EXOC4: variants seen among roughly 807,000 people sequenced by gnomAD.
The protein encoded by EXOC4 is exocyst complex component 4.
EXOC4 carries 71 observed loss-of-function variants against 107.2 expected under a neutral mutation model. The ratio of observed to expected loss-of-function variants is 0.66; its 90% CI spans 0.55 to 0.81. The LOEUF is 0.81. Ranked by LOEUF, EXOC4 falls within the 30% of genes least tolerant of loss-of-function variation. The probability of loss-of-function intolerance (pLI) is 0.00; values close to 1 mark genes in which losing one functional copy is unlikely to be tolerated. For synonymous variants in EXOC4, 456 were observed against 441.2 expected (o/e 1.03, Z -0.42); for missense variants, 1,108 against 1,189.6 (o/e 0.93, Z 1.01).
intron 13 of EXOC4, among the ~76,000 whole-genome samples, chr7:133,932,297 G>T (rs1800196196): frequency 1.3e-5 from 2 of 152,222 alleles, no homozygotes; most frequent in Admixed American, 6.5e-5. Flanking sequence ...AGGGGTCTAT[G>T]TGGAAGTGAT....
intron 10 of EXOC4, among the ~76,000 whole-genome samples, chr7:133,633,051 G>A (rs1429046698): frequency 1.3e-5 from 2 of 152,142 alleles, no homozygotes; most frequent in Non-Finnish European, 2.9e-5. Context: ...CTTGTTACTA[G>A]ACTCTGATTA....
intron 11 of EXOC4, among the ~76,000 whole-genome samples, chr7:133,866,880 G>C (rs1306399261): frequency 6.6e-6 from 1 of 152,212 alleles, no homozygotes; most frequent in Non-Finnish European, 1.5e-5. Context: ...AGCTTTATAA[G>C]AGTTGTGCAG....
chr7:133,820,154 A>ATTTTT (rs35640945), intron 11 of EXOC4, among the ~76,000 whole-genome samples: 50 of 70,274 alleles, frequency 7.1e-4, no homozygotes, highest in African/African-American at 1.4e-3. Context: ...CACCTGCTTC[A>ATTTTT]TTTTTTTTTT....
chr7:133,984,215 A>G (rs1794062854), intron 14 of EXOC4, among the ~76,000 whole-genome samples: 1 of 152,172 alleles, frequency 6.6e-6, no homozygotes, highest in South Asian at 2.1e-4. Context: ...CTCTCTGCAG[A>G]GCTGTGCAGT....
At chr7:133,570,649 A>C (rs1030866949) in intron 9 of EXOC4, among the ~76,000 whole-genome samples, 3 of 152,214 alleles carry the variant, frequency 2.0e-5, no homozygotes, top group Non-Finnish European at 4.4e-5. Context: ...TGAAATACAT[A>C]GAAGTTAAAT....
chr7:133,969,237 C>T (rs955327267), intron 14 of EXOC4, among the ~76,000 whole-genome samples: 21 of 151,348 alleles, frequency 1.4e-4, no homozygotes, highest in Admixed American at 1.1e-3. Context: ...GTTAGCAATT[C>T]CTCTAACCTT....
At chr7:133,523,447 T>TC (rs2150912615) in intron 9 of EXOC4, among the ~76,000 whole-genome samples, 1 of 151,982 alleles carries the variant, frequency 6.6e-6, no homozygotes, top group African/African-American at 2.4e-5. Context: ...TTCTTTTTTT[T>TC]TTTTTTAATT....
At chr7:133,835,675 T>G (rs1180770518) in intron 11 of EXOC4, among the ~76,000 whole-genome samples, 1 of 152,246 alleles carries the variant, frequency 6.6e-6, no homozygotes, top group Non-Finnish European at 1.5e-5. Flanking sequence ...GGTGAATGTT[T>G]TTAATTAGTC....
chr7:133,618,309 A>G (rs1255425018), intron 9 of EXOC4, among the ~76,000 whole-genome samples: 1 of 150,040 alleles, frequency 6.7e-6, no homozygotes, highest in East Asian at 2.0e-4. Flanking sequence ...TTTTTTTTTT[A>G]AAGTTCAATA....
At chr7:133,376,076 A>G (rs2150691661) in intron 7 of EXOC4, among the ~76,000 whole-genome samples, 1 of 152,334 alleles carries the variant, frequency 6.6e-6, no homozygotes, top group African/African-American at 2.4e-5. Flanking sequence ...GTCTTTGCAG[A>G]AAAAAGTAAA....
intron 9 of EXOC4, among the ~76,000 whole-genome samples, chr7:133,490,397 G>A (rs376405339): frequency 1.3e-5 from 2 of 152,148 alleles, no homozygotes; most frequent in Admixed American, 1.3e-4. Flanking sequence ...GCATATACAA[G>A]TTCTGGGAAA....
At chr7:133,508,843 C>G (rs1368779314) in intron 9 of EXOC4, among the ~76,000 whole-genome samples, 1 of 152,080 alleles carries the variant, frequency 6.6e-6, no homozygotes, top group African/African-American at 2.4e-5. Flanking sequence ...AGTTTAGATT[C>G]TTATAAGGCA....
chr7:133,448,810 A>C (rs1295583911), intron 7 of EXOC4, among the ~76,000 whole-genome samples: 1 of 152,178 alleles, frequency 6.6e-6, no homozygotes, highest in Non-Finnish European at 1.5e-5. Flanking sequence ...CCTTATAGGA[A>C]GATGGAAATT....
chr7:133,367,473 T>A (rs1413693697), intron 6 of EXOC4, among the ~76,000 whole-genome samples: 1 of 152,174 alleles, frequency 6.6e-6, no homozygotes. Flanking sequence ...TTGGGACTTT[T>A]AGCAACAGCT....
intron 14 of EXOC4, among the ~76,000 whole-genome samples, chr7:133,975,766 C>A (rs1423925575): frequency 6.6e-6 from 1 of 152,106 alleles, no homozygotes; most frequent in Non-Finnish European, 1.5e-5. Flanking sequence ...CACACACACA[C>A]ACACGCTATT....
At chr7:133,404,885 T>TACAC (rs68148382) in intron 7 of EXOC4, among the ~76,000 whole-genome samples, 2 of 94,184 alleles carry the variant, frequency 2.1e-5, no homozygotes, top group Non-Finnish European at 4.0e-5. Flanking sequence ...CCCCCCCCAA[T>TACAC]ACACACACAC....
intron 10 of EXOC4, among the ~76,000 whole-genome samples, chr7:133,733,898 C>T (rs1795383474): frequency 6.6e-6 from 1 of 152,174 alleles, no homozygotes; most frequent in Admixed American, 6.5e-5. Context: ...TCTAATTCCT[C>T]ATGATACTAT....
At chr7:133,871,439 C>T (rs561727814) in intron 11 of EXOC4, among the ~76,000 whole-genome samples, 1 of 152,198 alleles carries the variant, frequency 6.6e-6, no homozygotes, top group African/African-American at 2.4e-5. Context: ...GATTGTGAGC[C>T]ACACCAATTA....
At chr7:133,275,192 G>A in intron 2 of EXOC4, 21 bp downstream of exon 2, 7 of 1,558,354 alleles carry the variant, frequency 4.5e-6, no homozygotes, top group Non-Finnish European at 6.1e-6. Flanking sequence ...TTTCTGGTCT[G>A]ATGGTGGCAG....
Sources: allele counts gnomAD v4.1 joint callset (sites outside exome capture counted in the v4.1 genomes callset), GRCh38; gene constraint gnomAD v4.1.1; transcripts MANE v1.5; gene names NCBI Gene and HGNC (gene_info 2026-07-23, HGNC 2026-07-21).